DNMBP: variants seen among roughly 807,000 people sequenced by gnomAD.
The protein encoded by DNMBP is dynamin binding protein.
Under a neutral mutation model 150.0 loss-of-function variants are expected in DNMBP, and 87 were observed. The observed-to-expected ratio is 0.58, with a 90% CI of 0.49 to 0.69. The LOEUF (loss-of-function observed/expected upper bound fraction) is 0.69. Among genes scored for constraint, DNMBP ranks in the 30% least tolerant of loss-of-function variants. DNMBP has a pLI of 0.00. For missense variants in DNMBP, 1,774 were observed against 1,949.0 expected (o/e 0.91, Z 1.69); for synonymous variants, 711 against 750.4 (o/e 0.95, Z 0.86).
intron 9 of DNMBP, 87 bp from the exon 10 acceptor site, chr10:99,896,484 C>A (rs780497433): frequency 1.5e-6 from 2 of 1,307,920 alleles, no homozygotes; most frequent in Admixed American, 1.7e-5. Context: ...CAAACGGGAG[C>A]TAGTCCTTGT....
intron 4 of DNMBP, among the ~76,000 whole-genome samples, chr10:99,937,774 A>G (rs2133299092): frequency 6.6e-6 from 1 of 152,326 alleles, no homozygotes; most frequent in Non-Finnish European, 1.5e-5. Flanking sequence ...CCCAGCACTG[A>G]GTGACTCAGT....
chr10:99,882,909 TACAA>T (rs952268449), intron 15 of DNMBP, among the ~76,000 whole-genome samples: 48 of 151,910 alleles, frequency 3.2e-4, no homozygotes, highest in African/African-American at 8.9e-4. Context: ...CTACAAAAAA[TACAA>T]ACAGTTAGCC....
At position 99,969,181 on chromosome 10, in the gene DNMBP, C is replaced by G; in HGVS notation, c.202G>C (p.Glu68Gln). 1 of 1,614,090 alleles carries G rather than the reference C, an allele frequency of 6.2e-7. No homozygotes were observed. Among genetic ancestry groups the G allele is most frequent in the Non-Finnish European group, 8.5e-7 (1 of 1,179,946 alleles). Reference sequence around the variant, plus strand: ...TCACAAATGCACACAAACAGCCTCTCTCCCTCTTTTAGACTGGGAATGGTC... The same window carrying G: ...TCACAAATGCACACAAACAGCCTCTGTCCCTCTTTTAGACTGGGAATGGTC... The part of the protein sequence containing the change: ...IVTIPSLKEG[E>Q]RLFVCICEFT... The change falls in exon 3 of 17, where the codon GAG (glutamate) becomes CAG (glutamine). Residue 68 changes from glutamate to glutamine, a missense_variant. Around this residue, in one of 2 missense-constraint regions of DNMBP, gnomAD observed 344 missense variants for 456.6 expected, o/e 0.75. Coordinates refer to ENST00000324109, the MANE Select transcript of DNMBP (RefSeq NM_015221.4).
Position 99,923,521 on chromosome 10 carries a change from T to C in DNMBP, c.2261-14375A>G, listed in dbSNP as rs565037796. ...GGCTCAGTTCTCAGGCACCTGCTCC[T>C]CTCCCCAGCTGTTCCTTCCCTCTGT... On this transcript the variant is annotated intron_variant, in intron 4 of 16. Coordinates refer to ENST00000324109, the MANE Select transcript of DNMBP (RefSeq NM_015221.4). 3.2e-4 allele frequency among the ~76,000 whole-genome samples: 49 copies of C among 152,118 alleles called. 1 individual carries two copies. The highest frequency in any genetic ancestry group is 1.0e-3 in the African/African-American group (43 of 41,530).
At chr10:99,973,461 G>A (rs1407883934) in intron 1 of DNMBP, among the ~76,000 whole-genome samples, 1 of 152,172 alleles carries the variant, frequency 6.6e-6, no homozygotes, top group Non-Finnish European at 1.5e-5. Context: ...TTAAAAAGTA[G>A]AGATTTTAAA....
chr10:99,893,159 C>T (rs1490426749), intron 11 of DNMBP, among the ~76,000 whole-genome samples: 1 of 152,196 alleles, frequency 6.6e-6, no homozygotes, highest in Non-Finnish European at 1.5e-5. Flanking sequence ...TTTGATAACA[C>T]TGAGTTAGCA....
At chr10:99,883,638 C>CAAAAAAAAAAAAAAAAAAAAAAAA (rs71009782) in intron 15 of DNMBP, among the ~76,000 whole-genome samples, 8 of 65,612 alleles carry the variant, frequency 1.2e-4, no homozygotes, top group African/African-American at 4.0e-4. Flanking sequence ...AAGACTGCCA[C>CAAAAAAAAAAAAAAAAAAAAAAAA]AAAAAAAAAA....
chr10:99,940,210 C>T (rs182452703), intron 4 of DNMBP, among the ~76,000 whole-genome samples: 253 of 152,314 alleles, frequency 1.7e-3, no homozygotes, highest in African/African-American at 5.1e-3. Context: ...TTATTTGGCA[C>T]ATGCTAGATG....
intron 6 of DNMBP, among the ~76,000 whole-genome samples, chr10:99,900,795 T>A (rs1471681288): frequency 1.3e-5 from 2 of 152,146 alleles, no homozygotes; most frequent in African/African-American, 4.8e-5. Flanking sequence ...CATACCCAGC[T>A]AATTTTTGTA....
intron 1 of DNMBP, among the ~76,000 whole-genome samples, chr10:99,983,293 CTT>C (rs1371313630): frequency 6.6e-6 from 1 of 152,200 alleles, no homozygotes; most frequent in African/African-American, 2.4e-5. Flanking sequence ...GCACATTTCT[CTT>C]GTCCTTGACA....
intron 4 of DNMBP, among the ~76,000 whole-genome samples, chr10:99,952,281 A>G (rs772265677): frequency 7.9e-5 from 12 of 152,176 alleles, no homozygotes; most frequent in Non-Finnish European, 1.8e-4. Context: ...GACTAATACA[A>G]TATCTAATGC....
chr10:99,879,331 G>A (rs2133186367), intron 16 of DNMBP, among the ~76,000 whole-genome samples: 1 of 151,670 alleles, frequency 6.6e-6, no homozygotes, highest in South Asian at 2.1e-4. Flanking sequence ...GGGTGTGTTG[G>A]TGTACACCTG....
chr10:99,917,489 T>C (rs568728390), intron 4 of DNMBP, among the ~76,000 whole-genome samples: 37 of 152,354 alleles, frequency 2.4e-4, no homozygotes, highest in African/African-American at 7.5e-4. Flanking sequence ...ATTTCTAGTA[T>C]TTCTATGATG....
chr10:99,985,468 C>T (rs892910246), intron 1 of DNMBP, among the ~76,000 whole-genome samples: 7 of 152,060 alleles, frequency 4.6e-5, no homozygotes, highest in Non-Finnish European at 2.9e-5. Context: ...CGCTCAGCCA[C>T]CCAGGGGAGA....
At chr10:99,911,145 G>A (rs1243318048) in intron 4 of DNMBP, among the ~76,000 whole-genome samples, 2 of 152,172 alleles carry the variant, frequency 1.3e-5, no homozygotes, top group African/African-American at 4.8e-5. Context: ...GGAGGCTGAG[G>A]TGGGAGGATG....
chr10:99,929,117 CA>C (rs1014258448), intron 4 of DNMBP, among the ~76,000 whole-genome samples: 3 of 151,608 alleles, frequency 2.0e-5, no homozygotes, highest in African/African-American at 7.3e-5. Flanking sequence ...GTTCTCCAGC[CA>C]GGGGGACAGA....
At position 99,955,326 on chromosome 10, in the gene DNMBP, G is replaced by C. The variant is rs762693088; in HGVS notation, c.2148C>G (p.Asn716Lys). ...CATCCTGCTTCTCCTCCAGCATGAG[G>C]TTTAGCTCTTCTTGAGCTCTACTGT... ...DMYSRAQEELNLMLEEKQDES... is the reference protein window; with the variant it reads ...DMYSRAQEELKLMLEEKQDES... Residue 716 changes from asparagine (N) to lysine (K), a missense_variant, in exon 4 of 17, where the codon AAC (asparagine) becomes AAG (lysine). Asn to Lys is a moderately conservative substitution (Grantham distance 94, BLOSUM62 0). This residue lies in a region of DNMBP where 1,430 missense variants were observed against 1,492.5 expected (regional missense o/e 0.96). Coordinates refer to ENST00000324109, the MANE Select transcript of DNMBP (RefSeq NM_015221.4). 1 of 1,614,134 alleles carries C rather than the reference G, an allele frequency of 6.2e-7. No homozygotes were observed.
At chr10:99,927,487 C>T (rs1011435597) in intron 4 of DNMBP, among the ~76,000 whole-genome samples, 2 of 152,134 alleles carry the variant, frequency 1.3e-5, no homozygotes, top group Admixed American at 6.5e-5. Flanking sequence ...TAATTTTTGT[C>T]AAGTTAAGGC....
chr10:99,998,001 C>T (rs2040967712), intron 1 of DNMBP, among the ~76,000 whole-genome samples: 1 of 145,710 alleles, frequency 6.9e-6, no homozygotes, highest in Admixed American at 7.0e-5. Context: ...TTTGGGAGGC[C>T]AAGGTGGGCA....
Sources: gnomAD v4.1 joint callset for allele counts (sites outside exome capture counted in the v4.1 genomes callset) on GRCh38, gnomAD v4.1.1 for gene constraint, gnomAD v4.1.1 regional missense constraint, MANE v1.5 for transcripts, NCBI Gene and HGNC (gene_info 2026-07-23, HGNC 2026-07-21) for gene names.